The following FHAD1 variants were observed in gnomAD, a reference collection of about 807,000 sequenced individuals.
FHAD1 encodes forkhead-associated domain-containing protein 1.
In FHAD1, 146 loss-of-function variants were observed where a neutral mutation model predicts 191.3. The observed-to-expected ratio is 0.76, with a 90% CI of 0.67 to 0.88. The LOEUF (loss-of-function observed/expected upper bound fraction) is 0.88. FHAD1 is among the 40% of genes least tolerant of loss of function. The pLI is 0.00. For missense variants in FHAD1, 1,635 were observed against 1,785.8 expected (o/e 0.92, Z 1.52); for synonymous variants, 616 against 672.3 (o/e 0.92, Z 1.29).
intron 10 of FHAD1, among the ~76,000 whole-genome samples, chr1:15,322,586 A>C (rs1476908673): frequency 6.6e-6 from 1 of 152,230 alleles, no homozygotes; most frequent in Non-Finnish European, 1.5e-5. Flanking sequence ...AATATAATGT[A>C]AAATTCAGTC....
At chr1:15,263,254 G>C (rs1651880052) in intron 2 of FHAD1, among the ~76,000 whole-genome samples, 1 of 151,974 alleles carries the variant, frequency 6.6e-6, no homozygotes, top group Admixed American at 6.6e-5. Context: ...TCCGTAGGTT[G>C]CCTTTTCACT....
intron 1 of FHAD1, among the ~76,000 whole-genome samples, chr1:15,239,689 C>T (rs1645143795): frequency 6.6e-6 from 1 of 152,176 alleles, no homozygotes; most frequent in African/African-American, 2.4e-5. Flanking sequence ...GGAGGTACAG[C>T]CCAGGAACAG....
At chr1:15,275,410 GC>G in intron 3 of FHAD1, among the ~76,000 whole-genome samples, 1 of 152,318 alleles carries the variant, frequency 6.6e-6, no homozygotes, top group African/African-American at 2.4e-5. Context: ...CCTCACAGCA[GC>G]CCGAGCGTTT....
intron 26 of FHAD1, 56 bp from the exon 27 acceptor site, chr1:15,374,446 G>T: frequency 6.5e-7 from 1 of 1,544,814 alleles, no homozygotes. Context: ...TTCTGTGAAT[G>T]TAAGAGAAAT....
intron 33 of FHAD1, among the ~76,000 whole-genome samples, chr1:15,392,509 G>GC (rs1197026180): frequency 1.3e-5 from 2 of 152,002 alleles, no homozygotes; most frequent in South Asian, 2.1e-4. Flanking sequence ...TCCAGCCTGG[G>GC]GACACAGCGA....
chr1:15,346,267 G>A (rs1386813715), intron 18 of FHAD1, among the ~76,000 whole-genome samples: 1 of 152,172 alleles, frequency 6.6e-6, no homozygotes, highest in Admixed American at 6.5e-5. Flanking sequence ...GCCTGTGGAA[G>A]TTATATTTGG....
chr1:15,236,769 G>C (rs1441901286), intron 1 of FHAD1, among the ~76,000 whole-genome samples: 1 of 152,196 alleles, frequency 6.6e-6, no homozygotes, highest in Non-Finnish European at 1.5e-5. Flanking sequence ...ACGGTAACCA[G>C]TTAATTTGCT....
chr1:15,238,434 C>G (rs1645017528), intron 1 of FHAD1, among the ~76,000 whole-genome samples: 1 of 152,082 alleles, frequency 6.6e-6, no homozygotes, highest in Admixed American at 6.6e-5. Flanking sequence ...ATCATGTTGG[C>G]TTGCTGTTGA....
chr1:15,308,855 G>A, intron 7 of FHAD1, 119 bp downstream of exon 7: 1 of 1,441,986 alleles, frequency 6.9e-7, no homozygotes, highest in South Asian at 1.4e-5. Context: ...CAGCCTCAGA[G>A]TTCTTCCCAG....
intron 2 of FHAD1, among the ~76,000 whole-genome samples, chr1:15,260,039 T>C (rs374941417): frequency 1.3e-5 from 2 of 152,162 alleles, no homozygotes; most frequent in African/African-American, 2.4e-5. Flanking sequence ...GCTGCGAAAA[T>C]GGAACCCCCT....
At chr1:15,342,463 A>T (rs767891234) in intron 16 of FHAD1, among the ~76,000 whole-genome samples, 9 of 152,180 alleles carry the variant, frequency 5.9e-5, no homozygotes, top group Non-Finnish European at 1.2e-4. Flanking sequence ...TGACGCTACC[A>T]GTCTGCAGAT....
intron 14 of FHAD1, among the ~76,000 whole-genome samples, chr1:15,336,811 G>C (rs370260617): frequency 1.3e-5 from 2 of 152,150 alleles, no homozygotes; most frequent in East Asian, 3.9e-4. Context: ...CGGGGACTGT[G>C]TCTCTGACCT....
chr1:15,355,894 C>A (rs1692583349), intron 20 of FHAD1, among the ~76,000 whole-genome samples: 1 of 134,884 alleles, frequency 7.4e-6, no homozygotes, highest in African/African-American at 2.6e-5. Flanking sequence ...AAAGTGTTTT[C>A]TTTCCTGATT....
intron 2 of FHAD1, among the ~76,000 whole-genome samples, chr1:15,261,825 C>T (rs1651208481): frequency 6.6e-6 from 1 of 152,158 alleles, no homozygotes; most frequent in Non-Finnish European, 1.5e-5. Flanking sequence ...CGCAGGATGG[C>T]CAAGGACCAA....
chr1:15,314,613 G>GTGGATATGGGTA (rs1673423446), intron 8 of FHAD1: 1 of 92,664 alleles, frequency 1.1e-5, no homozygotes, highest in Admixed American at 1.3e-4. Flanking sequence ...GTGGGTATGT[G>GTGGATATGGGTA]GGTGTGGGTG....
chr1:15,315,119 A>G (rs1574266889), intron 8 of FHAD1: 1 of 152,054 alleles, frequency 6.6e-6, no homozygotes, highest in African/African-American at 2.4e-5. Flanking sequence ...GGTATTGCTC[A>G]TGTGAACATC....
At chr1:15,322,809 T>G (rs561922540) in intron 10 of FHAD1, among the ~76,000 whole-genome samples, 2 of 152,336 alleles carry the variant, frequency 1.3e-5, no homozygotes, top group Admixed American at 1.3e-4. Flanking sequence ...CCAAAGGTGC[T>G]CAGGGCCTAG....
At chr1:15,243,908 A>G (rs1645690187), upstream of FHAD1, among the ~76,000 whole-genome samples, 2 of 152,100 alleles carry the variant, frequency 1.3e-5, no homozygotes, top group South Asian at 2.1e-4. Context: ...ATCCTGCCAG[A>G]TTTTCTAGCT....
rs1706362704 is a variant in FHAD1 at position 15,397,355 on chromosome 1, A to C, written c.4382A>C (p.Glu1461Ala). Residue 1461 changes from glutamate (E) to alanine (A), a missense_variant, in exon 34 of 34, where the codon GAG (glutamate) becomes GCG (alanine). Physicochemically the swap from Glu to Ala is moderately radical, Grantham distance 107. Transcript: ENST00000688493. ...MDQEREMLRK[E>A]TSSKSSQSLL... ...CAAGAAAGAGAGATGCTGAGGAAAG[A>C]GACCTCCAGCAAGTCCAGCCAGAGC... 6.5e-7 allele frequency: 1 copy of C among 1,547,428 alleles called. No individual in the cohort carries two copies. The highest frequency in any genetic ancestry group is 8.7e-7 in the Non-Finnish European group (1 of 1,144,076).
Sources: gnomAD v4.1 joint callset for allele counts (sites outside exome capture counted in the v4.1 genomes callset) on GRCh38, gnomAD v4.1.1 for gene constraint, MANE v1.5 for transcripts, NCBI Gene and HGNC (gene_info 2026-07-23, HGNC 2026-07-21) for gene names.